The following SLC35A3 variants were observed in gnomAD, a reference collection of about 807,000 sequenced individuals.
SLC35A3 encodes UDP-N-acetylglucosamine transporter.
In SLC35A3, 26 loss-of-function variants were observed where a neutral mutation model predicts 39.0. The ratio of observed to expected loss-of-function variants is 0.67; its 90% CI spans 0.49 to 0.92. The LOEUF is 0.92. Ranked by LOEUF, SLC35A3 falls within the 40% of genes least tolerant of loss-of-function variation. SLC35A3 has a pLI of 0.00. For missense variants in SLC35A3, 299 were observed against 371.6 expected, an observed-to-expected ratio of 0.80 and a Z score of 1.61; for synonymous variants, 135 against 133.1, an observed-to-expected ratio of 1.01 and a Z score of -0.10.
intron 1 of SLC35A3, among the ~76,000 whole-genome samples, chr1:99,974,203 T>C (rs904967256): frequency 1.3e-5 from 2 of 152,200 alleles, no homozygotes; most frequent in Non-Finnish European, 2.9e-5. Flanking sequence ...TCAAACAGCA[T>C]TTCTAATAGT....
In SLC35A3 at chr1:100,022,512, G is replaced by A. The variant is rs372746995; in HGVS notation, c.*36G>A. Reference sequence around the variant, plus strand: ...TCTTTAACTGGTTTTTCACGATGGGGCACTAGGAATCTCGACATTAATCTT... The same window carrying A: ...TCTTTAACTGGTTTTTCACGATGGGACACTAGGAATCTCGACATTAATCTT... On this transcript the variant is annotated 3_prime_UTR_variant, in exon 8 of 8. Coordinates refer to ENST00000533028, the MANE Select transcript of SLC35A3 (RefSeq NM_012243.3). 9.1e-6 allele frequency: 10 copies of A among 1,103,466 alleles called. No homozygotes were observed. Among genetic ancestry groups the A allele is most frequent in the East Asian group, 7.2e-5 (3 of 41,716 alleles). 68.4% of individuals were successfully genotyped at this position (1,103,466 alleles called of 1,614,324 possible). A position where few individuals can be genotyped will look rare whatever the true frequency, so the allele number is the denominator to read the frequency against.
rs1368387077 is a variant in SLC35A3 at position 100,033,819 on chromosome 1, AAATT to A, written c.*11350_*11353del. ...CATCCTAATCCCCACCTTTGTAATA[AAATT>A]AATTAAAATTTTAAAAAAGTATATT... On this transcript the variant is annotated 3_prime_UTR_variant, in exon 8 of 8. Transcript: ENST00000533028. 2.6e-5 allele frequency: 4 copies of A among 152,296 alleles called. No individual in the cohort carries two copies. Among genetic ancestry groups the A allele is most frequent in the South Asian group, 2.1e-4 (1 of 4,834 alleles). 9.4% of individuals were successfully genotyped at this position (152,296 alleles called of 1,614,324 possible).
chr1:100,006,430 A>C (rs912708499), intron 3 of SLC35A3, among the ~76,000 whole-genome samples: 1 of 152,106 alleles, frequency 6.6e-6, no homozygotes, highest in Non-Finnish European at 1.5e-5. Context: ...CAGTAGGCCA[A>C]TCTTGGTTCC....
At chr1:99,998,166 T>C (rs552055030) in intron 2 of SLC35A3, among the ~76,000 whole-genome samples, 1 of 151,768 alleles carries the variant, frequency 6.6e-6, no homozygotes, top group East Asian at 1.9e-4. Context: ...TTTTTTTTTT[T>C]TTTTTGAGAT....
intron 3 of SLC35A3, among the ~76,000 whole-genome samples, chr1:99,999,908 A>G (rs1658650534): frequency 1.3e-5 from 2 of 151,800 alleles, no homozygotes; most frequent in South Asian, 4.2e-4. Context: ...CTCTAGTTGC[A>G]TCCATGTTGT....
intron 7 of SLC35A3, among the ~76,000 whole-genome samples, chr1:100,021,999 T>C (rs1463179481): frequency 6.6e-6 from 1 of 152,206 alleles, no homozygotes; most frequent in Admixed American, 6.5e-5. Flanking sequence ...TAAGGTGAAA[T>C]ACAGAACTTA....
At chr1:100,012,724 A>G (rs1008286680) in intron 5 of SLC35A3, among the ~76,000 whole-genome samples, 1 of 152,216 alleles carries the variant, frequency 6.6e-6, no homozygotes, top group Admixed American at 6.5e-5. Flanking sequence ...CTGTAATGTA[A>G]GAATTCCAAG....
intron 1 of SLC35A3, among the ~76,000 whole-genome samples, chr1:99,983,957 T>C (rs1026633802): frequency 6.6e-5 from 10 of 152,304 alleles, no homozygotes; most frequent in African/African-American, 2.4e-4. Context: ...TAATTAATTA[T>C]TTTACATTTC....
chr1:100,033,428 TTATTA>T lies in SLC35A3; in HGVS notation c.*10955_*10959del, dbSNP rs1661359670. ...ATTATTATCCATCTCTTATAAGTAATTATTATAAGTATTTTCTTAGTTTTCCAATT... is the reference window on the plus strand; with the variant it reads ...ATTATTATCCATCTCTTATAAGTAATTAAGTATTTTCTTAGTTTTCCAATT... On this transcript the variant is annotated 3_prime_UTR_variant, in exon 8 of 8. Transcript: ENST00000533028. The T allele has an allele frequency of 6.6e-6, 1 of 152,324 alleles. No individual in the cohort carries two copies. The highest frequency in any genetic ancestry group is 2.4e-5 in the African/African-American group (1 of 41,580). 9.4% of individuals were successfully genotyped at this position (152,324 alleles called of 1,614,324 possible). A position where few individuals can be genotyped will look rare whatever the true frequency, so the allele number is the denominator to read the frequency against.
At chr1:99,970,599 G>T in intron 1 of SLC35A3, 1 of 1,536,144 alleles carries the variant, frequency 6.5e-7, no homozygotes, top group Non-Finnish European at 8.7e-7. Context: ...AGCACCTGGA[G>T]CTCAAGAAGC....
In SLC35A3 at chr1:100,034,477, A is replaced by G. The variant is rs1661396500; in HGVS notation, c.*12001A>G. ...TGTATATTATTTGCCTCTGCTTCAT[A>G]TTGTCTAGAGGGTAGTATTTTCTAT... On this transcript the variant is annotated 3_prime_UTR_variant, in exon 8 of 8. Transcript: ENST00000533028. 1 of 152,228 alleles carries G rather than the reference A, an allele frequency of 6.6e-6. No homozygotes were observed. The allele number at this position is 152,228 out of a possible 1,614,324, so 9.4% of individuals were successfully genotyped here.
rs2101456060 is a variant in SLC35A3 at position 100,017,750 on chromosome 1, C to T, written c.822C>T (p.Thr274=). The change falls in exon 7 of 8, where the codon ACC becomes ACT. Residue 274 remains threonine, a synonymous_variant. Coordinates refer to ENST00000533028, the MANE Select transcript of SLC35A3 (RefSeq NM_012243.3). Reference sequence around the variant, plus strand: ...ATAATATTTTAAAAGGATTTGCAACCTCTTTATCGATAATATTATCAACAT... The same window carrying T: ...ATAATATTTTAAAAGGATTTGCAACTTCTTTATCGATAATATTATCAACAT... The part of the protein sequence containing the change: ...YADNILKGFA[T]SLSIILSTLI... The T allele has an allele frequency of 1.3e-6, 2 of 1,574,746 alleles. No homozygotes were observed. The highest frequency in any genetic ancestry group is 1.7e-6 in the Non-Finnish European group (2 of 1,158,720).
At chr1:100,015,906 G>A (rs1660070055) in intron 6 of SLC35A3, among the ~76,000 whole-genome samples, 1 of 152,010 alleles carries the variant, frequency 6.6e-6, no homozygotes, top group Non-Finnish European at 1.5e-5. Context: ...AAATACATAT[G>A]GAGAATTCTA....
intron 1 of SLC35A3, among the ~76,000 whole-genome samples, chr1:99,982,797 T>G (rs1386263359): frequency 1.3e-5 from 2 of 152,086 alleles, no homozygotes; most frequent in African/African-American, 4.8e-5. Flanking sequence ...TTGTATATTT[T>G]CCCCCAAGAG....
intron 4 of SLC35A3, among the ~76,000 whole-genome samples, chr1:100,010,927 G>T (rs1017664021): frequency 6.6e-6 from 1 of 151,780 alleles, no homozygotes; most frequent in Non-Finnish European, 1.5e-5. Flanking sequence ...GACAGTGTTT[G>T]GGGGGGTTCA....
chr1:100,004,476 A>AT (rs1164586141), intron 3 of SLC35A3, among the ~76,000 whole-genome samples: 1 of 151,672 alleles, frequency 6.6e-6, no homozygotes, highest in African/African-American at 2.4e-5. Flanking sequence ...TAACTTTCAT[A>AT]TTTTTTTAGA....
rs1020077344 is a variant in SLC35A3, at chr1:100,028,978, G to C, written c.*6502G>C. ...AGGCTTTCGGTGTCCTTTTCTTGTA[G>C]CGTCATGGAAGGTGTTATCTACTCC... On this transcript the variant is annotated 3_prime_UTR_variant, in exon 8 of 8. Coordinates refer to ENST00000533028, the MANE Select transcript of SLC35A3 (RefSeq NM_012243.3). 1 of 152,242 alleles carries C rather than the reference G, an allele frequency of 6.6e-6. No individual in the cohort carries two copies. Among genetic ancestry groups the C allele is most frequent in the Non-Finnish European group, 1.5e-5 (1 of 68,080 alleles). The allele number at this position is 152,242 out of a possible 1,614,324, so 9.4% of individuals were successfully genotyped here.
chr1:99,999,202 C>A, intron 2 of SLC35A3, 59 bp from the exon 3 acceptor site: 1 of 1,067,956 alleles, frequency 9.4e-7, no homozygotes, highest in Non-Finnish European at 1.3e-6. Flanking sequence ...ATCTTGAGAG[C>A]AGATATGTAA....
At chr1:100,015,506 AG>A (rs3835492) in intron 6 of SLC35A3, 86 bp downstream of exon 6, 213,066 of 1,380,126 alleles carry the variant, frequency 0.15, 20,090 homozygotes, top group African/African-American at 0.44. Flanking sequence ...TACTGATGTG[AG>A]GGGGAAAAGG....
Sources: gnomAD v4.1 joint callset for allele counts (sites outside exome capture counted in the v4.1 genomes callset) on GRCh38, gnomAD v4.1.1 for gene constraint, MANE v1.5 for transcripts, NCBI Gene and HGNC (gene_info 2026-07-23, HGNC 2026-07-21) for gene names.